Variants in FAM120C observed in about 807,000 individuals in gnomAD.
FAM120C encodes the protein family with sequence similarity 120 member C.
A neutral mutation model predicts 71.2 loss-of-function variants in FAM120C; 14 were observed. The observed-to-expected ratio is 0.20, with a 90% CI of 0.13 to 0.31. The LOEUF (loss-of-function observed/expected upper bound fraction) is 0.31. FAM120C is among the 10% of genes least tolerant of loss of function. FAM120C has a pLI of 1.00. For missense variants in FAM120C, 500 were observed against 879.0 expected (o/e 0.57, Z 5.45); for synonymous variants, 354 against 353.2 (o/e 1.00, Z -0.03).
In FAM120C at chrX:54,134,961, C is replaced by T; in HGVS notation, c.1486G>A (p.Ala496Thr). ...MLQNSPFANW[A>T]VSYDSSASQF... is the part of the protein sequence containing the mutation. ...GATGCAGAAGAGTCATAGGAGACAG[C>T]CCAATTGGCAAAGGGGCTGTTCTGC... is the stretch of plus-strand genomic sequence containing the variant. The change falls in exon 7 of 16, where the codon GCT (alanine) becomes ACT (threonine). Residue 496 changes from alanine (A) to threonine (T), a missense_variant. Ala to Thr is a moderately conservative substitution (Grantham distance 58). Coordinates refer to ENST00000375180, the MANE Select transcript of FAM120C (RefSeq NM_017848.6). 8.3e-7 allele frequency: 1 copy of T among 1,211,293 alleles called. No individual in the cohort carries two copies. Among genetic ancestry groups the T allele is most frequent in the Non-Finnish European group, 1.1e-6 (1 of 895,438 alleles).
chrX:54,110,820 G>A (rs1557125578), intron 10 of FAM120C, among the ~76,000 whole-genome samples: 1 of 111,135 alleles, frequency 9.0e-6, no homozygotes, highest in African/African-American at 3.3e-5. Context: ...AGCACTTTGC[G>A]AGGCTGAGGC....
chrX:54,129,747 C>G (rs1336983220), intron 9 of FAM120C, among the ~76,000 whole-genome samples: 1 of 112,363 alleles, frequency 8.9e-6, no homozygotes, highest in African/African-American at 3.2e-5. Flanking sequence ...ACTGAGTGAA[C>G]GAGACTCCGT....
intron 9 of FAM120C, among the ~76,000 whole-genome samples, chrX:54,124,255 A>C: frequency 5.8e-5 from 2 of 34,687 alleles, no homozygotes; most frequent in Non-Finnish European, 1.2e-4. Context: ...ACCCAGTTCG[A>C]GCTTCCCAGC....
At chrX:54,140,200 G>C (rs781859225) in intron 4 of FAM120C, among the ~76,000 whole-genome samples, 1 of 107,445 alleles carries the variant, frequency 9.3e-6, no homozygotes, top group African/African-American at 3.4e-5. Context: ...GGAGGCTGAG[G>C]CAGGAGAATT....
At position 54,132,785 on chromosome X, in the gene FAM120C, C is replaced by A; in HGVS notation, c.1969G>T (p.Ala657Ser). The A allele has an allele frequency of 8.3e-7, 1 of 1,209,951 alleles. No individual in the cohort carries two copies. Among genetic ancestry groups the A allele is most frequent in the Non-Finnish European group, 1.1e-6 (1 of 894,529 alleles). Residue 657 changes from alanine to serine, a missense_variant, in exon 9 of 16, where the codon GCT becomes TCT. This residue lies in a region of FAM120C where 104 missense variants were observed against 254.5 expected (regional missense o/e 0.41). Transcript: ENST00000375180. Reference protein sequence around the residue: ...LPPAALLFRSARQYVYGVLFS... With the variant: ...LPPAALLFRSSRQYVYGVLFS... Reference sequence around the variant, plus strand: ...AGAACTCCATATACATATTGACGAGCTGACCGGAATAAGAGAGCAGCTGGA... The same window carrying A: ...AGAACTCCATATACATATTGACGAGATGACCGGAATAAGAGAGCAGCTGGA...
intron 10 of FAM120C, among the ~76,000 whole-genome samples, chrX:54,110,674 G>C (rs2066931936): frequency 9.0e-6 from 1 of 110,914 alleles, no homozygotes; most frequent in African/African-American, 3.3e-5. Context: ...CTAGCACTTT[G>C]GGAGGCCAAG....
chrX:54,182,934 G>A lies in FAM120C; in HGVS notation c.265C>T (p.His89Tyr), dbSNP rs782471015. The change falls in exon 1 of 16, where the codon CAC becomes TAC. Residue 89 changes from histidine to tyrosine, a missense_variant. Coordinates refer to ENST00000375180, the MANE Select transcript of FAM120C (RefSeq NM_017848.6). The part of the protein sequence containing the change: ...AGPTRHHHPA[H>Y]HFHHHGQAQP... ...GCTTGGCCATGATGGTGGAAGTGGT[G>A]AGCGGGGTGATGGTGCCGAGTCGGC... 5 of 1,160,322 alleles carry A rather than the reference G, an allele frequency of 4.3e-6. No homozygotes were observed. The highest frequency in any genetic ancestry group is 5.7e-6 in the Non-Finnish European group (5 of 870,876).
chrX:54,114,119 C>T (rs1557126233), intron 10 of FAM120C, among the ~76,000 whole-genome samples: 1 of 110,814 alleles, frequency 9.0e-6, no homozygotes, highest in African/African-American at 3.3e-5. Flanking sequence ...ATGTCTTTTG[C>T]AGCAACATGG....
intron 13 of FAM120C, among the ~76,000 whole-genome samples, chrX:54,081,970 G>C (rs1317628466): frequency 5.5e-5 from 6 of 109,220 alleles, no homozygotes; most frequent in Non-Finnish European, 1.1e-4. Flanking sequence ...ATCACCTGAG[G>C]TCAGGAGTTC....
intron 11 of FAM120C, among the ~76,000 whole-genome samples, 170 bp downstream of exon 11, chrX:54,091,142 G>A (rs185610819): frequency 1.5e-3 from 163 of 111,949 alleles, no homozygotes; most frequent in African/African-American, 4.5e-3. Context: ...TGAGAGCAGC[G>A]TAGCAGGCAC....
At chrX:54,101,055 C>T (rs2066879752) in intron 10 of FAM120C, among the ~76,000 whole-genome samples, 1 of 111,802 alleles carries the variant, frequency 8.9e-6, no homozygotes, top group South Asian at 3.8e-4. Flanking sequence ...CGCTACAAGT[C>T]TCTACCTGGG....
intron 1 of FAM120C, among the ~76,000 whole-genome samples, chrX:54,164,056 C>A (rs1423426410): frequency 9.1e-6 from 1 of 109,978 alleles, no homozygotes; most frequent in Non-Finnish European, 1.9e-5. Flanking sequence ...CCTTAGCCCC[C>A]CTAGTAGCTG....
At position 54,089,480 on chromosome X, in the gene FAM120C, G is replaced by T. The variant is rs781969597; in HGVS notation, c.2428-1516C>A. Among the ~76,000 whole-genome samples, 13 of 111,542 alleles carry T rather than the reference G, an allele frequency of 1.2e-4. No homozygotes were observed. The East Asian group carries it at 3.7e-3, about 32-fold the overall frequency. On this transcript the variant is annotated intron_variant, in intron 11 of 15. Coordinates refer to ENST00000375180, the MANE Select transcript of FAM120C (RefSeq NM_017848.6). ...AGCAATACTACATTTACTGCAAAAG[G>T]CAAGCACTAACTGGTTGTCTGAGTC...
intron 9 of FAM120C, among the ~76,000 whole-genome samples, chrX:54,125,201 T>G (rs2066083828): frequency 2.0e-5 from 2 of 98,746 alleles, no homozygotes; most frequent in South Asian, 9.9e-4. Flanking sequence ...AGAGCGAGAC[T>G]CTGTCTCAAA....
Position 54,134,849 on chromosome X carries a change from G to T in FAM120C, c.1598C>A (p.Pro533Gln). 1 of 1,210,554 alleles carries T rather than the reference G, an allele frequency of 8.3e-7. No homozygotes were observed. Among genetic ancestry groups the T allele is most frequent in the Non-Finnish European group, 1.1e-6 (1 of 894,970 alleles). ...SHSSSSDGDE[P>Q]NGASSDHITE... ...TACTTACTCAGAGCTAGCTCCATTT[G>T]GCTCATCACCATCAGAGGAAGAGGA... The change falls in exon 7 of 16, where the codon CCA (proline) becomes CAA (glutamine). Residue 533 changes from proline to glutamine, a missense_variant. Transcript: ENST00000375180.
chrX:54,139,577 G>A (rs1444747046), intron 4 of FAM120C, among the ~76,000 whole-genome samples: 3 of 110,651 alleles, frequency 2.7e-5, no homozygotes, highest in African/African-American at 6.5e-5. Flanking sequence ...TCCTGACCTC[G>A]TGATCCGTCC....
rs1406461630 is a variant in FAM120C at position 54,181,036 on chromosome X, TTA to T, written c.699+1462_699+1463del. Among the ~76,000 whole-genome samples the T allele has an allele frequency of 2.7e-5, 3 of 109,478 alleles. No individual in the cohort carries two copies. The South Asian group carries it at 1.2e-3, about 44-fold the overall frequency. On this transcript the variant is annotated intron_variant, in intron 1 of 15. Coordinates refer to ENST00000375180, the MANE Select transcript of FAM120C (RefSeq NM_017848.6). ...CAAATGTGTGCCTTTTTTTTTTTTT[TTA>T]ACCTTGTATGAGATAGCTCACGTTT...
At chrX:54,075,899 G>A (rs1417237928) in intron 15 of FAM120C, among the ~76,000 whole-genome samples, 3 of 110,783 alleles carry the variant, frequency 2.7e-5, no homozygotes, top group Non-Finnish European at 5.7e-5. Flanking sequence ...CGGATCATGA[G>A]GTCAGGAGTT....
At chrX:54,080,161 T>C in intron 15 of FAM120C, 71 bp downstream of exon 15, 1 of 888,147 alleles carries the variant, frequency 1.1e-6, no homozygotes, top group East Asian at 3.1e-5. Context: ...CCTGATGTGA[T>C]CTCTTTTAGT....
Sources: allele counts gnomAD v4.1 joint callset (sites outside exome capture counted in the v4.1 genomes callset), GRCh38; gene constraint gnomAD v4.1.1; regional missense constraint gnomAD v4.1.1; transcripts MANE v1.5; gene names NCBI Gene and HGNC (gene_info 2026-07-23, HGNC 2026-07-21).